Variants in MAP7D3 observed in about 807,000 individuals in gnomAD.
MAP7D3 encodes MAP7 domain-containing protein 3.
A neutral mutation model predicts 62.2 loss-of-function variants in MAP7D3; 45 were observed. That is an observed-to-expected ratio of 0.72 (90% CI 0.57 to 0.93). The LOEUF (loss-of-function observed/expected upper bound fraction) is 0.93. MAP7D3 is among the 40% of genes least tolerant of loss of function. MAP7D3 has a pLI of 0.00. For synonymous variants in MAP7D3, 288 were observed against 248.8 expected (o/e 1.16, Z -1.48); for missense variants, 711 against 683.1 (o/e 1.04, Z -0.45).
At chrX:136,243,775 G>A (rs1377607495) in intron 4 of MAP7D3, among the ~76,000 whole-genome samples, 2 of 110,545 alleles carry the variant, frequency 1.8e-5, no homozygotes, top group East Asian at 2.8e-4. Flanking sequence ...GTGTCACAGC[G>A]ACCACGCTAG....
In MAP7D3 at chrX:136,231,200, T is replaced by C. The variant is rs766195050; in HGVS notation, c.1414-234A>G. 3.8e-4 allele frequency: 126 copies of C among 333,011 alleles called. 2 individuals are homozygous for C. Among genetic ancestry groups the C allele is most frequent in the African/African-American group, 3.0e-3 (110 of 37,145 alleles). The allele number at this position is 333,011 out of a possible 1,213,427, so 27.4% of individuals were successfully genotyped here. A position where few individuals can be genotyped will look rare whatever the true frequency, so the allele number is the denominator to read the frequency against. On this transcript the variant is annotated intron_variant, in intron 8 of 18. Transcript: ENST00000316077. Reference sequence around the variant, plus strand: ...AGAAATAACAGGTTTAAAAGAAATATTATCCTTCAAAACCAAACTCAATTT... The same window carrying C: ...AGAAATAACAGGTTTAAAAGAAATACTATCCTTCAAAACCAAACTCAATTT...
chrX:136,244,756 GTCTT>G lies in MAP7D3; in HGVS notation c.289_292del (p.Lys97ProfsTer16), dbSNP rs750164461. On this transcript the variant is annotated frameshift_variant, in exon 4 of 19. Coordinates refer to ENST00000316077, the MANE Select transcript of MAP7D3 (RefSeq NM_024597.4). LOFTEE classifies it high-confidence loss of function. ...CATCTGTTTTTCATATTGGAGCTTG[GTCTT>G]TCTTTCTTTTTCAAGTAGTTGTGTT... The G allele has an allele frequency of 5.8e-5, 70 of 1,197,557 alleles. No homozygotes were observed. Among genetic ancestry groups the G allele is most frequent in the Non-Finnish European group, 6.9e-5 (61 of 888,103 alleles).
intron 6 of MAP7D3, 80 bp from the exon 7 acceptor site, chrX:136,236,419 AT>A (rs1205797102): frequency 2.0e-6 from 1 of 509,380 alleles, no homozygotes. Context: ...TTTTTCAAAC[AT>A]TTTTTATGTT....
At chrX:136,246,505 A>G (rs2074450688) in intron 1 of MAP7D3, among the ~76,000 whole-genome samples, 164 bp from the exon 2 acceptor site, 1 of 112,268 alleles carries the variant, frequency 8.9e-6, no homozygotes, top group Non-Finnish European at 1.9e-5. Context: ...TTGAACACCT[A>G]TGATCTTCAA....
At chrX:136,247,385 CT>C (rs745850101) in intron 1 of MAP7D3, among the ~76,000 whole-genome samples, 1 of 111,696 alleles carries the variant, frequency 9.0e-6, no homozygotes, top group Non-Finnish European at 1.9e-5. Context: ...AAGTAAGCCC[CT>C]GTGATGCTGC....
At chrX:136,223,387 A>G (rs1291489330) in intron 14 of MAP7D3, among the ~76,000 whole-genome samples, 3 of 111,054 alleles carry the variant, frequency 2.7e-5, no homozygotes, top group Non-Finnish European at 3.8e-5. Flanking sequence ...CATTGGGGTA[A>G]GCAAATAATG....
At chrX:136,219,728 T>C in intron 16 of MAP7D3, 57 bp from the exon 17 acceptor site, 2 of 894,605 alleles carry the variant, frequency 2.2e-6, no homozygotes, top group Non-Finnish European at 3.3e-6. Flanking sequence ...GGCTCTGGCC[T>C]AAAAGAAGCT....
rs182336647 is a variant in MAP7D3 at position 136,221,348 on chromosome X, G to A, written c.2288-385C>T. Among the ~76,000 whole-genome samples the A allele has an allele frequency of 1.1e-4, 12 of 110,969 alleles. No individual in the cohort carries two copies. In the East Asian group the frequency reaches 2.6e-3, roughly 24 times the overall value. On this transcript the variant is annotated intron_variant, in intron 15 of 18. Coordinates refer to ENST00000316077, the MANE Select transcript of MAP7D3 (RefSeq NM_024597.4). ...CTCTAATTTTTCTTTTTTTTGAGACGGGAATCTCGCTCTGTTGCCCAGGCT... is the reference window on the plus strand; with the variant it reads ...CTCTAATTTTTCTTTTTTTTGAGACAGGAATCTCGCTCTGTTGCCCAGGCT...
chrX:136,252,819 C>T (rs1472907091), upstream of MAP7D3, among the ~76,000 whole-genome samples: 3 of 111,325 alleles, frequency 2.7e-5, no homozygotes, highest in East Asian at 2.8e-4. Flanking sequence ...GGGCCAGGCA[C>T]GGTGGTTCAC....
upstream of MAP7D3, among the ~76,000 whole-genome samples, chrX:136,253,971 C>G (rs943026285): frequency 3.5e-4 from 38 of 109,071 alleles, no homozygotes; most frequent in African/African-American, 1.2e-3. Context: ...TTGCCTGCTG[C>G]ACTCCAGCCT....
Position 136,231,752 on chromosome X carries a change from G to A in MAP7D3, c.1205C>T (p.Pro402Leu), listed in dbSNP as rs2074271000. The part of the protein sequence containing the change: ...APPEVSLEAL[P>L]EVSVEAAPEG... ...TGGGGCTGCTTCCACGCTCACCTCT[G>A]GCAGTGCTTCCAGACTCACTTCCGG... Residue 402 changes from proline to leucine, a missense_variant, in exon 8 of 19, where the codon CCA (proline) becomes CTA (leucine). Pro to Leu is a moderately conservative substitution (Grantham distance 98, BLOSUM62 -3). Coordinates refer to ENST00000316077, the MANE Select transcript of MAP7D3 (RefSeq NM_024597.4). The A allele has an allele frequency of 1.2e-5, 14 of 1,211,813 alleles. No homozygotes were observed. Among genetic ancestry groups the A allele is most frequent in the Non-Finnish European group, 1.5e-5 (13 of 895,516 alleles).
At chrX:136,251,433 G>T (rs949651294), upstream of MAP7D3, 10 of 903,544 alleles carry the variant, frequency 1.1e-5, no homozygotes, top group East Asian at 1.0e-4. Context: ...CGCTTGGGTC[G>T]TGGCCGGGCT....
At chrX:136,225,868 T>C (rs373213026) in intron 13 of MAP7D3, 41 bp downstream of exon 13, 734 of 920,315 alleles carry the variant, frequency 8.0e-4, no homozygotes, top group Non-Finnish European at 1.0e-3. Context: ...CAACATTGTT[T>C]TAAACACAGA....
rs1157553283 is a variant in MAP7D3, at chrX:136,218,237, CAAT to C, written c.*286_*288del. 5.4e-5 allele frequency: 6 copies of C among 111,528 alleles called. No individual in the cohort carries two copies. Among genetic ancestry groups the C allele is most frequent in the African/African-American group, 1.6e-4 (5 of 30,723 alleles). The allele number at this position is 111,528 out of a possible 1,213,427, so 9.2% of individuals were successfully genotyped here. ...GGTGGGACAACACAAGAATGAGAGA[CAAT>C]GATGATTTTCCAAAGAAAACAAAAA... On this transcript the variant is annotated 3_prime_UTR_variant, in exon 19 of 19. Transcript: ENST00000316077.
At chrX:136,251,973 A>C (rs1220910651), upstream of MAP7D3, among the ~76,000 whole-genome samples, 1 of 112,240 alleles carries the variant, frequency 8.9e-6, no homozygotes, top group African/African-American at 3.2e-5. Context: ...TGAGTCTTCA[A>C]AGAGAGGCAG....
upstream of MAP7D3, among the ~76,000 whole-genome samples, chrX:136,255,442 T>C (rs1329853841): frequency 9.0e-6 from 1 of 111,719 alleles, no homozygotes; most frequent in African/African-American, 3.3e-5. Flanking sequence ...GTAGGTAAAT[T>C]ATTCAATTAA....
upstream of MAP7D3, among the ~76,000 whole-genome samples, chrX:136,255,218 AAAAC>A (rs1343418125): frequency 2.7e-5 from 3 of 112,837 alleles, no homozygotes; most frequent in East Asian, 2.8e-4. Context: ...CTCTGTCTCA[AAAAC>A]AAACAAACAA....
At chrX:136,224,009 G>A (rs868798426) in intron 14 of MAP7D3, among the ~76,000 whole-genome samples, 13 of 91,948 alleles carry the variant, frequency 1.4e-4, no homozygotes, top group Non-Finnish European at 2.7e-4. Context: ...CCATGATTGC[G>A]CCACTGTGTT....
At chrX:136,227,126 T>A (rs1045876516) in intron 12 of MAP7D3, among the ~76,000 whole-genome samples, 158 bp downstream of exon 12, 6 of 110,514 alleles carry the variant, frequency 5.4e-5, no homozygotes, top group Admixed American at 4.8e-4. Flanking sequence ...TGAAACTCCA[T>A]CTCAAAATTA....
Sources: gnomAD v4.1 joint callset for allele counts (sites outside exome capture counted in the v4.1 genomes callset) on GRCh38, gnomAD v4.1.1 for gene constraint, MANE v1.5 for transcripts, NCBI Gene and HGNC (gene_info 2026-07-23, HGNC 2026-07-21) for gene names.